Variants in CEP112 observed in about 807,000 individuals in gnomAD.
CEP112 encodes centrosomal protein of 112 kDa.
Under a neutral mutation model 153.0 loss-of-function variants are expected in CEP112, and 127 were observed. The observed-to-expected ratio is 0.83, with a 90% CI of 0.72 to 0.96. CEP112 has a LOEUF of 0.96. CEP112 is among the 40% of genes least tolerant of loss of function. The pLI is 0.00. For missense variants in CEP112, 1,089 were observed against 1,101.2 expected (o/e 0.99, Z 0.16); for synonymous variants, 358 against 374.4 (o/e 0.96, Z 0.51).
chr17:65,909,319 G>C (rs1361480572), intron 19 of CEP112, among the ~76,000 whole-genome samples: 1 of 152,162 alleles, frequency 6.6e-6, no homozygotes, highest in Non-Finnish European at 1.5e-5. Flanking sequence ...TAGGGAGAGT[G>C]GTTCTCCATA....
At chr17:65,696,127 C>T (rs932572574) in intron 23 of CEP112, among the ~76,000 whole-genome samples, 2 of 152,346 alleles carry the variant, frequency 1.3e-5, no homozygotes, top group Middle Eastern at 3.4e-3. Context: ...TTCTGTCATG[C>T]AGCTTGTAGA....
intron 18 of CEP112, among the ~76,000 whole-genome samples, chr17:65,959,920 G>A (rs1376371086): frequency 2.0e-5 from 3 of 152,186 alleles, no homozygotes; most frequent in African/African-American, 4.8e-5. Flanking sequence ...TGAGTGGGTG[G>A]AATGAGCCCA....
rs553639520 is a variant in CEP112, at chr17:65,697,628, C to T, written c.2608-8410G>A. ...CAAGGAGCGATAAATGTGGGGCTACCGAAAGTGACACAGTGGCAGCGTGAC... is the reference window on the plus strand; with the variant it reads ...CAAGGAGCGATAAATGTGGGGCTACTGAAAGTGACACAGTGGCAGCGTGAC... On this transcript the variant is annotated intron_variant, in intron 23 of 26. Transcript: ENST00000535342. Among the ~76,000 whole-genome samples the T allele has an allele frequency of 2.8e-3, 423 of 152,044 alleles. 2 individuals carry two copies. The highest frequency in any genetic ancestry group is 9.1e-3 in the African/African-American group (378 of 41,458).
At chr17:66,190,108 T>C (rs2073108419) in intron 1 of CEP112, among the ~76,000 whole-genome samples, 2 of 151,426 alleles carry the variant, frequency 1.3e-5, no homozygotes, top group South Asian at 4.2e-4. Context: ...GGCGGGAGGG[T>C]CACCTGAGGT....
chr17:65,902,312 T>C lies in CEP112; in HGVS notation c.2003A>G (p.His668Arg). 6.2e-7 allele frequency: 1 copy of C among 1,613,358 alleles called. No individual in the cohort carries two copies. The highest frequency in any genetic ancestry group is 8.5e-7 in the Non-Finnish European group (1 of 1,179,826). ...EQQIVELKLEHEQEKTHLLQQ... is the reference protein window; with the variant it reads ...EQQIVELKLEREQEKTHLLQQ... ...TAATAGGTGCGTCTTCTCCTGTTCA[T>C]GCTCCAGCTTCAGCTCTACTATCTG... The change falls in exon 20 of 27, where the codon CAT (histidine) becomes CGT (arginine). Residue 668 changes from histidine to arginine, a missense_variant. Physicochemically the swap from His to Arg is conservative, Grantham distance 29. Transcript: ENST00000535342.
chr17:65,997,951 T>A (rs1381841406), intron 17 of CEP112, among the ~76,000 whole-genome samples: 1 of 152,196 alleles, frequency 6.6e-6, no homozygotes, highest in Non-Finnish European at 1.5e-5. Flanking sequence ...AACTTTCAGC[T>A]TTTATTGAAA....
chr17:66,185,491 C>T (rs1204983154), intron 1 of CEP112, among the ~76,000 whole-genome samples: 1 of 152,128 alleles, frequency 6.6e-6, no homozygotes, highest in Non-Finnish European at 1.5e-5. Flanking sequence ...AAAGTGCTGG[C>T]ATTACAGGCA....
At chr17:65,893,666 T>C (rs940544375) in intron 20 of CEP112, among the ~76,000 whole-genome samples, 7 of 152,152 alleles carry the variant, frequency 4.6e-5, no homozygotes, top group African/African-American at 1.7e-4. Flanking sequence ...ACAATATTTA[T>C]AAAATATTTT....
intron 18 of CEP112, among the ~76,000 whole-genome samples, chr17:65,957,019 G>A (rs941656601): frequency 2.0e-5 from 3 of 152,038 alleles, no homozygotes; most frequent in Non-Finnish European, 4.4e-5. Flanking sequence ...TCATGCCTTG[G>A]GTAGGACAGA....
chr17:66,067,157 T>C (rs529504483), intron 9 of CEP112, among the ~76,000 whole-genome samples: 1 of 152,274 alleles, frequency 6.6e-6, no homozygotes, highest in Admixed American at 6.5e-5. Flanking sequence ...TAGTCAGAAG[T>C]TCACGTTTTG....
intron 17 of CEP112, among the ~76,000 whole-genome samples, chr17:65,983,909 C>A (rs1405580478): frequency 6.6e-6 from 1 of 152,108 alleles, no homozygotes; most frequent in Non-Finnish European, 1.5e-5. Flanking sequence ...GTTTTGTTAT[C>A]TCTCTACATT....
At chr17:65,864,094 T>C (rs2058402063) in intron 20 of CEP112, among the ~76,000 whole-genome samples, 1 of 150,388 alleles carries the variant, frequency 6.6e-6, no homozygotes, top group African/African-American at 2.4e-5. Context: ...TGAGCCAAGA[T>C]TGCGCCACTA....
At chr17:65,676,594 G>C (rs1292495677) in intron 24 of CEP112, among the ~76,000 whole-genome samples, 1 of 152,176 alleles carries the variant, frequency 6.6e-6, no homozygotes. Flanking sequence ...CAAGGGCAAA[G>C]ATTTTCATTC....
At chr17:65,667,612 G>A (rs1000720981) in intron 24 of CEP112, among the ~76,000 whole-genome samples, 4 of 151,942 alleles carry the variant, frequency 2.6e-5, no homozygotes, top group African/African-American at 9.7e-5. Context: ...ATCTCTCATA[G>A]AGGCTAAAAA....
At chr17:65,832,466 TAAA>T (rs201421819) in intron 21 of CEP112, among the ~76,000 whole-genome samples, 2,243 of 146,422 alleles carry the variant, frequency 0.015, 18 homozygotes, top group Non-Finnish European at 0.022. Flanking sequence ...GCTAAACTAA[TAAA>T]GAAGAAAGAG....
intron 21 of CEP112, among the ~76,000 whole-genome samples, chr17:65,790,334 C>T (rs1417032005): frequency 6.6e-6 from 1 of 152,070 alleles, no homozygotes; most frequent in Non-Finnish European, 1.5e-5. Context: ...GAACTGAGAC[C>T]AAGGACCCAG....
chr17:65,856,282 T>C (rs781646114), intron 20 of CEP112, among the ~76,000 whole-genome samples: 2 of 152,052 alleles, frequency 1.3e-5, no homozygotes, highest in Non-Finnish European at 2.9e-5. Flanking sequence ...CAGAGAAAGA[T>C]AATAATACAG....
intron 21 of CEP112, among the ~76,000 whole-genome samples, chr17:65,760,132 T>C (rs1162432351): frequency 6.6e-6 from 1 of 152,212 alleles, no homozygotes; most frequent in Non-Finnish European, 1.5e-5. Context: ...AAACTTGCTA[T>C]AATCACTTAT....
At chr17:65,753,022 C>G (rs559976877) in intron 21 of CEP112, among the ~76,000 whole-genome samples, 2 of 152,304 alleles carry the variant, frequency 1.3e-5, no homozygotes, top group African/African-American at 2.4e-5. Context: ...TTAAAAACCA[C>G]TGGTTCATGC....
Sources: gnomAD v4.1 joint callset for allele counts (sites outside exome capture counted in the v4.1 genomes callset) on GRCh38, gnomAD v4.1.1 for gene constraint, MANE v1.5 for transcripts, NCBI Gene and HGNC (gene_info 2026-07-23, HGNC 2026-07-21) for gene names.